Variants in TUSC3 observed in about 807,000 individuals in gnomAD.
TUSC3 encodes the protein tumor suppressor candidate 3, also known as dolichyl-diphosphooligosaccharide--protein glycosyltransferase subunit TUSC3.
A neutral mutation model predicts 44.8 loss-of-function variants in TUSC3; 45 were observed. That is an observed-to-expected ratio of 1.00 (90% CI 0.79 to 1.29). The LOEUF (loss-of-function observed/expected upper bound fraction) is 1.29. TUSC3 is among the 50% of genes most tolerant of loss of function. TUSC3 has a pLI of 0.00. For missense variants in TUSC3, 519 were observed against 437.9 expected (o/e 1.19, Z -1.65); for synonymous variants, 212 against 152.9 (o/e 1.39, Z -2.85).
intron 1 of TUSC3, among the ~76,000 whole-genome samples, chr8:15,472,159 G>T (rs1800502108): frequency 6.6e-6 from 1 of 152,130 alleles, no homozygotes; most frequent in Non-Finnish European, 1.5e-5. Flanking sequence ...ACCTGGAATT[G>T]ACCTGTTTCA....
chr8:15,709,314 T>C (rs1042139826), intron 6 of TUSC3, among the ~76,000 whole-genome samples: 6 of 151,874 alleles, frequency 4.0e-5, no homozygotes, highest in African/African-American at 1.2e-4. Context: ...ATAAAAAAGA[T>C]TGGAGGAATG....
In TUSC3 at chr8:15,722,245, C is replaced by G. The variant is rs183494326; in HGVS notation, c.799-8421C>G. ...TCCTTAGTATTGATGGGTTTTGTTT[C>G]TTTCTTTTTTTTTTTTTTCCTTTAC... On this transcript the variant is annotated intron_variant, in intron 6 of 10. Transcript: ENST00000503731. Among the ~76,000 whole-genome samples the G allele has an allele frequency of 2.2e-3, 328 of 149,432 alleles. 4 individuals carry two copies. The highest frequency in any genetic ancestry group is 2.1e-3 in the Non-Finnish European group (140 of 67,354).
chr8:15,453,617 G>T (rs1003164946), intron 1 of TUSC3, among the ~76,000 whole-genome samples: 7 of 148,822 alleles, frequency 4.7e-5, no homozygotes, highest in African/African-American at 1.2e-4. Context: ...GCATGAATTT[G>T]CTGACTAGCC....
intron 9 of TUSC3, among the ~76,000 whole-genome samples, chr8:15,752,395 CAG>C (rs928658465): frequency 6.1e-4 from 92 of 151,332 alleles, no homozygotes; most frequent in African/African-American, 1.9e-3. Context: ...ATTAATTAGA[CAG>C]AAAGAAATAT....
At chr8:15,760,702 C>T (rs999992051) in intron 10 of TUSC3, among the ~76,000 whole-genome samples, 1 of 152,158 alleles carries the variant, frequency 6.6e-6, no homozygotes, top group Non-Finnish European at 1.5e-5. Context: ...TGCTTTTGCA[C>T]TACGACAGTT....
chr8:15,471,465 T>C (rs910034024), intron 1 of TUSC3, among the ~76,000 whole-genome samples: 1 of 152,188 alleles, frequency 6.6e-6, no homozygotes, highest in Non-Finnish European at 1.5e-5. Flanking sequence ...AAGAAGTAAA[T>C]ATCTTAATAC....
chr8:15,540,194 G>C, upstream of TUSC3: 1 of 506,682 alleles, frequency 2.0e-6, no homozygotes, highest in Non-Finnish European at 3.2e-6. Flanking sequence ...TGGCTCCCTC[G>C]CCACGCCCAC....
At chr8:15,788,278 A>C in the TUSC3 span, among the ~76,000 whole-genome samples, 5 of 152,274 alleles carry the variant, frequency 3.3e-5, no homozygotes, top group African/African-American at 1.2e-4. Context: ...TTTAAGAGTT[A>C]AATTTTATCT....
At chr8:15,448,102 T>TCTATAC in intron 1 of TUSC3, among the ~76,000 whole-genome samples, 1 of 85,840 alleles carries the variant, frequency 1.2e-5, no homozygotes, top group African/African-American at 5.3e-5. Context: ...TATGGTAGTG[T>TCTATAC]ATATACATAT....
intron 5 of TUSC3, among the ~76,000 whole-genome samples, chr8:15,671,714 G>GAAGCTTCCT (rs1432950973): frequency 2.0e-5 from 3 of 152,018 alleles, no homozygotes; most frequent in African/African-American, 7.2e-5. Context: ...CCTCCATGTA[G>GAAGCTTCCT]AATGTAAGCT....
intron 1 of TUSC3, among the ~76,000 whole-genome samples, chr8:15,448,832 A>T (rs1038376753): frequency 1.5e-4 from 23 of 152,138 alleles, no homozygotes; most frequent in African/African-American, 5.3e-4. Context: ...TGGTCAACAG[A>T]CTCTATATAT....
rs548694400 is a variant in TUSC3, at chr8:15,618,835, T to G, written c.139-4245T>G. On this transcript the variant is annotated intron_variant, in intron 1 of 10. Coordinates refer to ENST00000503731, the MANE Select transcript of TUSC3 (RefSeq NM_006765.4). The stretch of plus-strand genomic sequence containing the variant: ...CACCACAAGCACAGGAGTAAAACGG[T>G]GTGCTGCAGTGTTACCACGGCTGCC... 3.9e-5 allele frequency among the ~76,000 whole-genome samples: 6 copies of G among 152,334 alleles called. No individual in the cohort carries two copies. In the South Asian group the frequency reaches 8.3e-4, roughly 21 times the overall value.
At chr8:15,596,706 A>G (rs558639671) in intron 1 of TUSC3, among the ~76,000 whole-genome samples, 22 of 152,206 alleles carry the variant, frequency 1.4e-4, no homozygotes, top group African/African-American at 5.3e-4. Flanking sequence ...AGAGGTGTTG[A>G]GAGTGGGAGA....
chr8:15,613,246 A>C (rs1278398257), intron 1 of TUSC3, among the ~76,000 whole-genome samples: 2 of 149,186 alleles, frequency 1.3e-5, no homozygotes, highest in African/African-American at 5.0e-5. Flanking sequence ...TTTTTTTTTA[A>C]GTAAATTTAG....
At chr8:15,503,238 C>G (rs557682932) in intron 2 of TUSC3, among the ~76,000 whole-genome samples, 1 of 152,076 alleles carries the variant, frequency 6.6e-6, no homozygotes, top group African/African-American at 2.4e-5. Context: ...AGTGGGAAGA[C>G]ACAAGGACAA....
At chr8:15,819,696 T>G in the TUSC3 span, among the ~76,000 whole-genome samples, 1 of 152,166 alleles carries the variant, frequency 6.6e-6, no homozygotes, top group African/African-American at 2.4e-5. Flanking sequence ...ATTCACTGAG[T>G]GCGACTTGAC....
intron 1 of TUSC3, among the ~76,000 whole-genome samples, chr8:15,567,489 T>C (rs1326767729): frequency 6.6e-6 from 1 of 152,214 alleles, no homozygotes; most frequent in Non-Finnish European, 1.5e-5. Context: ...TTTCACATAC[T>C]TAAGATTCCT....
intron 1 of TUSC3, among the ~76,000 whole-genome samples, chr8:15,614,997 G>A (rs1804930705): frequency 6.7e-6 from 1 of 149,228 alleles, no homozygotes; most frequent in Admixed American, 6.7e-5. Flanking sequence ...GGGAACTCTT[G>A]TACACTCATC....
At chr8:15,712,490 C>T (rs868846297) in intron 6 of TUSC3, among the ~76,000 whole-genome samples, 1 of 151,980 alleles carries the variant, frequency 6.6e-6, no homozygotes, top group Admixed American at 6.6e-5. Flanking sequence ...CTGCTTATTT[C>T]GATCTTTATT....
Sources: allele counts gnomAD v4.1 joint callset (sites outside exome capture counted in the v4.1 genomes callset), GRCh38; gene constraint gnomAD v4.1.1; transcripts MANE v1.5; gene names NCBI Gene and HGNC (gene_info 2026-07-23, HGNC 2026-07-21).